AGBL1: variants seen among roughly 807,000 people sequenced by gnomAD.
The protein encoded by AGBL1 is cytosolic carboxypeptidase 4.
In AGBL1, 130 loss-of-function variants were observed where a neutral mutation model predicts 118.9. That is an observed-to-expected ratio of 1.09 (90% CI 0.95 to 1.26). The LOEUF (loss-of-function observed/expected upper bound fraction) is 1.26, where lower values mean the gene tolerates loss of function less well. Among genes scored for constraint, AGBL1 ranks in the 50% most tolerant of loss-of-function variants. The probability of loss-of-function intolerance (pLI) is 0.00; values close to 1 mark genes in which losing one functional copy is unlikely to be tolerated. For synonymous variants in AGBL1, 555 were observed against 478.9 expected (o/e 1.16, Z -2.08); for missense variants, 1,584 against 1,298.1 (o/e 1.22, Z -3.38).
chr15:86,308,308 G>T (rs187396298), intron 17 of AGBL1, among the ~76,000 whole-genome samples: 5 of 152,152 alleles, frequency 3.3e-5, no homozygotes, highest in Admixed American at 6.5e-5. Context: ...GATCATATGG[G>T]TGGGGCCCTG....
At chr15:86,518,966 T>A (rs953925244) in intron 18 of AGBL1, among the ~76,000 whole-genome samples, 1 of 151,714 alleles carries the variant, frequency 6.6e-6, no homozygotes, top group Non-Finnish European at 1.5e-5. Context: ...TTAAACTAGC[T>A]ATTTAAACTA....
At chr15:86,764,858 C>T (rs371008858) in intron 22 of AGBL1, among the ~76,000 whole-genome samples, 2 of 151,978 alleles carry the variant, frequency 1.3e-5, no homozygotes, top group African/African-American at 4.8e-5. Flanking sequence ...GTAGATTATA[C>T]AGAAATCACT....
chr15:86,164,531 T>C (rs2077310631), intron 5 of AGBL1, among the ~76,000 whole-genome samples: 1 of 152,204 alleles, frequency 6.6e-6, no homozygotes. Flanking sequence ...AGGATGGGCC[T>C]GAAGATTTTG....
At chr15:86,826,731 G>A (rs1426741467) in intron 22 of AGBL1, among the ~76,000 whole-genome samples, 2 of 152,158 alleles carry the variant, frequency 1.3e-5, no homozygotes, top group Non-Finnish European at 2.9e-5. Context: ...GGATAAGGGA[G>A]CATCAGCATT....
At chr15:86,331,215 C>T (rs1197925800) in intron 17 of AGBL1, among the ~76,000 whole-genome samples, 1 of 116,460 alleles carries the variant, frequency 8.6e-6, no homozygotes, top group Non-Finnish European at 1.8e-5. Context: ...CAGAGTGAGA[C>T]TCCATCTCAA....
intron 22 of AGBL1, among the ~76,000 whole-genome samples, chr15:86,864,599 A>C (rs901541356): frequency 2.0e-5 from 3 of 152,162 alleles, no homozygotes; most frequent in Non-Finnish European, 4.4e-5. Flanking sequence ...AGCTACCTCC[A>C]CCAAAATCAA....
chr15:86,666,380 C>G (rs2085644776), intron 21 of AGBL1, among the ~76,000 whole-genome samples: 1 of 151,762 alleles, frequency 6.6e-6, no homozygotes, highest in South Asian at 2.1e-4. Flanking sequence ...AATTTGTAAC[C>G]TGTCTATTTA....
intron 17 of AGBL1, among the ~76,000 whole-genome samples, chr15:86,328,451 G>A (rs141858492): frequency 8.3e-4 from 126 of 152,156 alleles, no homozygotes; most frequent in Middle Eastern, 3.4e-3. Context: ...TAAAGAAAAC[G>A]GTTTTTAATT....
chr15:86,945,604 C>T (rs866756319), intron 23 of AGBL1, among the ~76,000 whole-genome samples: 1 of 152,106 alleles, frequency 6.6e-6, no homozygotes, highest in Non-Finnish European at 1.5e-5. Context: ...GCCTGGAAGG[C>T]AGAGGTTGCA....
intron 18 of AGBL1, among the ~76,000 whole-genome samples, chr15:86,402,028 A>G (rs1042896576): frequency 2.6e-5 from 4 of 151,984 alleles, no homozygotes; most frequent in African/African-American, 9.7e-5. Flanking sequence ...GAGTCTGTAG[A>G]CTGCTTTTGG....
chr15:86,114,554 T>C (rs57052149), intron 1 of AGBL1, among the ~76,000 whole-genome samples: 4,552 of 152,320 alleles, frequency 0.03, 94 homozygotes, highest in Middle Eastern at 0.061. Flanking sequence ...ACTTCCATGA[T>C]GGGAGTCCCT....
chr15:86,194,741 GTAACCCTCTGTTCCAACAGGAGT>G (rs2077773934), intron 5 of AGBL1, among the ~76,000 whole-genome samples: 1 of 152,198 alleles, frequency 6.6e-6, no homozygotes, highest in Non-Finnish European at 1.5e-5. Flanking sequence ...CACAGAACAG[GTAACCCTCTGTTCCAACAGGAGT>G]GCCAGAGTCT....
At chr15:86,136,684 G>A (rs896944057) in intron 1 of AGBL1, among the ~76,000 whole-genome samples, 2 of 152,180 alleles carry the variant, frequency 1.3e-5, no homozygotes, top group African/African-American at 2.4e-5. Flanking sequence ...TGTATCATTG[G>A]CATGGAGTGT....
intron 2 of AGBL1, 112 bp downstream of exon 2, chr15:86,142,179 TGA>T: frequency 9.4e-7 from 1 of 1,062,364 alleles, no homozygotes; most frequent in South Asian, 1.5e-5. Context: ...CAGTTTCCTG[TGA>T]GAGGCAGCAT....
At chr15:86,869,335 C>T (rs1448044844) in intron 22 of AGBL1, among the ~76,000 whole-genome samples, 1 of 152,168 alleles carries the variant, frequency 6.6e-6, no homozygotes, top group Non-Finnish European at 1.5e-5. Flanking sequence ...TCCCACCCAC[C>T]ACAGAGAATC....
chr15:86,477,513 C>T (rs187722135), intron 18 of AGBL1, among the ~76,000 whole-genome samples: 15 of 152,090 alleles, frequency 9.9e-5, no homozygotes, highest in Middle Eastern at 3.4e-3. Context: ...GCACATACAC[C>T]CTCCCAAGAC....
chr15:86,617,128 T>C (rs1186044996), intron 21 of AGBL1, among the ~76,000 whole-genome samples: 7 of 152,218 alleles, frequency 4.6e-5, no homozygotes, highest in South Asian at 2.1e-4. Flanking sequence ...TGGCCTGACT[T>C]CCCCTTTGAT....
At chr15:86,796,301 A>G (rs2078569962) in intron 22 of AGBL1, among the ~76,000 whole-genome samples, 1 of 152,220 alleles carries the variant, frequency 6.6e-6, no homozygotes, top group African/African-American at 2.4e-5. Context: ...TGGGCTTTGA[A>G]CATAATACAC....
At position 86,476,470 on chromosome 15, in the gene AGBL1, A is replaced by G. The variant is rs1430201458; in HGVS notation, c.2556-46340A>G. ...AACAGACTTTAAACCAACAAAGATC[A>G]AAAGAGACAAAGAAGGCCATTACAT... On this transcript the variant is annotated intron_variant, in intron 18 of 22. Coordinates refer to ENST00000614907, the MANE Select transcript of AGBL1 (RefSeq NM_001386094.1). Among the ~76,000 whole-genome samples the G allele has an allele frequency of 2.0e-5, 3 of 152,206 alleles. No individual in the cohort carries two copies. In the East Asian group the frequency reaches 5.8e-4, roughly 29 times the overall value.
Sources: allele counts gnomAD v4.1 joint callset (sites outside exome capture counted in the v4.1 genomes callset), GRCh38; gene constraint gnomAD v4.1.1; transcripts MANE v1.5; gene names NCBI Gene and HGNC (gene_info 2026-07-23, HGNC 2026-07-21).